The following NR2E3 variants were observed in gnomAD, a reference collection of about 807,000 sequenced individuals.
NR2E3 encodes the protein nuclear receptor subfamily 2 group E member 3, also known as photoreceptor-specific nuclear receptor.
NR2E3 carries 38 observed loss-of-function variants against 37.6 expected under a neutral mutation model. That is an observed-to-expected ratio of 1.01 (90% CI 0.78 to 1.33). The LOEUF (loss-of-function observed/expected upper bound fraction) is 1.33, where lower values mean the gene tolerates loss of function less well. NR2E3 is among the 40% of genes most tolerant of loss of function. NR2E3 has a pLI of 0.00. For missense variants in NR2E3, 562 were observed against 558.7 expected (o/e 1.01, Z -0.06); for synonymous variants, 235 against 225.1 (o/e 1.04, Z -0.39).
intron 7 of NR2E3, 126 bp from the exon 8 acceptor site, chr15:71,817,426 C>T: frequency 7.7e-7 from 1 of 1,294,222 alleles, no homozygotes; most frequent in Non-Finnish European, 1.0e-6. Flanking sequence ...GAAATTCCTC[C>T]TGACCCACTC....
At chr15:71,816,329 C>T (rs987465917) in intron 7 of NR2E3, among the ~76,000 whole-genome samples, 3 of 147,168 alleles carry the variant, frequency 2.0e-5, no homozygotes, top group South Asian at 2.1e-4. Context: ...GGCGTGATCT[C>T]GGTTCACTGC....
chr15:71,810,760 C>T lies in NR2E3; in HGVS notation c.17C>T (p.Thr6Ile). The change falls in exon 1 of 8, where the codon ACA becomes ATA. Residue 6 changes from threonine (T) to isoleucine (I), a missense_variant. Coordinates refer to ENST00000617575, the MANE Select transcript of NR2E3 (RefSeq NM_014249.4). Reference sequence around the variant, plus strand: ...CTGTAACCCATGGAGACCAGACCAACAGCTCTGATGAGCTCCACAGTGGCT... The same window carrying T: ...CTGTAACCCATGGAGACCAGACCAATAGCTCTGATGAGCTCCACAGTGGCT... Reference protein sequence around the residue: METRPTALMSSTVAAA... With the variant: METRPIALMSSTVAAA... The T allele has an allele frequency of 6.4e-7, 1 of 1,572,614 alleles. No homozygotes were observed. Among genetic ancestry groups the T allele is most frequent in the Non-Finnish European group, 8.6e-7 (1 of 1,159,570 alleles).
In NR2E3 at chr15:71,813,940, G is replaced by A; in HGVS notation, c.995-72G>A. 1 of 1,556,914 alleles carries A rather than the reference G, an allele frequency of 6.4e-7. No homozygotes were observed. On this transcript the variant is annotated intron_variant, in intron 6 of 7. Transcript: ENST00000617575. The surrounding 1 kb of genome is among the most constrained non-coding windows in gnomAD (Gnocchi z 4.7). The stretch of plus-strand genomic sequence containing the variant: ...TCCATGTCTGCAGCCAGAACCCTGG[G>A]CCACCACTTCATGGCCAGCCTTATA...
rs1343311421 is a variant in NR2E3 at position 71,813,549 on chromosome 15, T to C, written c.908T>C (p.Leu303Pro). The C allele has an allele frequency of 2.5e-6, 4 of 1,613,888 alleles. No individual in the cohort carries two copies. Among genetic ancestry groups the C allele is most frequent in the Non-Finnish European group, 2.5e-6 (3 of 1,179,846 alleles). The part of the protein sequence containing the change: ...LTLASMETRV[L>P]QETISRFRAL... The stretch of plus-strand genomic sequence containing the variant: ...CTGGCCAGCATGGAGACGCGTGTCC[T>C]GCAGGAAACTATCTCTCGGTTCCGG... The change falls in exon 6 of 8, where the codon CTG becomes CCG. Residue 303 changes from leucine (L) to proline (P), a missense_variant. By Grantham distance (98) the Leu-to-Pro change is moderately conservative (BLOSUM62 -3). Coordinates refer to ENST00000617575, the MANE Select transcript of NR2E3 (RefSeq NM_014249.4). This position sits in a 1 kb window ranked among gnomAD's most constrained non-coding sequence, Gnocchi z 4.7.
At position 71,813,982 on chromosome 15, in the gene NR2E3, G is replaced by C; in HGVS notation, c.995-30G>C. The C allele has an allele frequency of 6.3e-7, 1 of 1,598,076 alleles. No individual in the cohort carries two copies. Among genetic ancestry groups the C allele is most frequent in the Non-Finnish European group, 8.5e-7 (1 of 1,173,300 alleles). On this transcript the variant is annotated intron_variant, in intron 6 of 7. Transcript: ENST00000617575. The surrounding 1 kb of genome is among the most constrained non-coding windows in gnomAD (Gnocchi z 4.7). ...AGCCTTATAACAGCCGTAAACCTGT[G>C]CTAAGCTCACTGGTGCTGCTTCTCC... is the stretch of plus-strand genomic sequence containing the variant.
chr15:71,811,748 T>C lies in NR2E3; in HGVS notation c.246-18T>C, dbSNP rs1567159819. On this transcript the variant is annotated intron_variant, in intron 2 of 7. Coordinates refer to ENST00000617575, the MANE Select transcript of NR2E3 (RefSeq NM_014249.4). This position sits in a 1 kb window ranked among gnomAD's most constrained non-coding sequence, Gnocchi z 5.6. ...ATGGGAGGGACACTGACCCCTGGGG[T>C]CTCCTCTTCACCTGCAGGTGCCAGG... 2 of 1,548,736 alleles carry C rather than the reference T, an allele frequency of 1.3e-6. No individual in the cohort carries two copies. Among genetic ancestry groups the C allele is most frequent in the Middle Eastern group, 1.7e-4 (1 of 5,974 alleles).
rs376037127 is a variant in NR2E3, at chr15:71,812,295, C to A, written c.572-41C>A. On this transcript the variant is annotated intron_variant, in intron 4 of 7. Coordinates refer to ENST00000617575, the MANE Select transcript of NR2E3 (RefSeq NM_014249.4). ...GCTCCAAGTACTCCCTGCCACCTCC[C>A]GAGAAGCAGGCGCTAAGATCACAAC... is the stretch of plus-strand genomic sequence containing the variant. 5.5e-4 allele frequency: 885 copies of A among 1,613,400 alleles called. 1 individual carries two copies. Among genetic ancestry groups the A allele is most frequent in the Non-Finnish European group, 7.1e-4 (836 of 1,179,424 alleles).
intron 7 of NR2E3, chr15:71,814,479 AG>A: frequency 9.6e-7 from 1 of 1,042,718 alleles, no homozygotes; most frequent in Non-Finnish European, 1.2e-6. Context: ...CTTGAAAGGA[AG>A]AAGAAGTCTA....
rs754661615 is a variant in NR2E3, at chr15:71,810,795, C to T, written c.52C>T (p.Pro18Ser). The T allele has an allele frequency of 1.3e-6, 2 of 1,576,420 alleles. No homozygotes were observed. The highest frequency in any genetic ancestry group is 3.7e-5 in the Admixed American group (2 of 54,712). Residue 18 changes from proline (P) to serine (S), a missense_variant, in exon 1 of 8, where the codon CCT becomes TCT. Pro to Ser is a moderately conservative substitution (Grantham distance 74). Coordinates refer to ENST00000617575, the MANE Select transcript of NR2E3 (RefSeq NM_014249.4). ...GAGCTCCACAGTGGCTGCAGCTGCG[C>T]CTGCAGCTGGGGCTGCCTCCAGGAA... ...LMSSTVAAAA[P>S]AAGAASRKES...
intron 7 of NR2E3, chr15:71,814,473 A>G: frequency 9.5e-7 from 1 of 1,049,976 alleles, no homozygotes; most frequent in Middle Eastern, 4.5e-4. Context: ...GCTGGACTTG[A>G]AAGGAAGAAG....
Position 71,811,394 on chromosome 15 carries a change from T to G in NR2E3, c.119-89T>G. The G allele has an allele frequency of 7.8e-7, 1 of 1,280,166 alleles. No homozygotes were observed. Among genetic ancestry groups the G allele is most frequent in the Non-Finnish European group, 1.1e-6 (1 of 924,238 alleles). 79.3% of individuals were successfully genotyped at this position (1,280,166 alleles called of 1,614,324 possible). On this transcript the variant is annotated intron_variant, in intron 1 of 7. Coordinates refer to ENST00000617575, the MANE Select transcript of NR2E3 (RefSeq NM_014249.4). This position sits in a 1 kb window ranked among gnomAD's most constrained non-coding sequence, Gnocchi z 5.6. ...ATGCGGGTGAGCGGGGCCTGAGGAC[T>G]GGGAAAGGGACCCGAGGGAAGGAGG...
At position 71,817,631 on chromosome 15, in the gene NR2E3, A is replaced by C; in HGVS notation, c.1180A>C (p.Thr394Pro). The C allele has an allele frequency of 6.2e-7, 1 of 1,610,556 alleles. No homozygotes were observed. The highest frequency in any genetic ancestry group is 8.5e-7 in the Non-Finnish European group (1 of 1,176,948). The change falls in exon 8 of 8, where the codon ACC (threonine) becomes CCC (proline). Residue 394 changes from threonine (T) to proline (P), a missense_variant. Transcript: ENST00000617575. Reference protein sequence around the residue: ...ERIELLFFRKTIGNTPMEKLL... With the variant: ...ERIELLFFRKPIGNTPMEKLL... ...CATCGAGCTCCTCTTTTTCCGCAAG[A>C]CCATAGGGAATACTCCAATGGAGAA...
chr15:71,812,228 A>G (rs1296729571), intron 4 of NR2E3, 52 bp downstream of exon 4: 1 of 1,606,770 alleles, frequency 6.2e-7, no homozygotes, highest in Non-Finnish European at 8.5e-7. Context: ...CCCGGGTCAC[A>G]GCAGGGCTGC....
chr15:71,812,318 A>C lies in NR2E3; in HGVS notation c.572-18A>C. The C allele has an allele frequency of 6.2e-7, 1 of 1,613,774 alleles. No individual in the cohort carries two copies. On this transcript the variant is annotated intron_variant, in intron 4 of 7. Transcript: ENST00000617575. Reference sequence around the variant, plus strand: ...CCCGAGAAGCAGGCGCTAAGATCACAACCTCCTCCTCCAACAGCTGATGAG... The same window carrying C: ...CCCGAGAAGCAGGCGCTAAGATCACCACCTCCTCCTCCAACAGCTGATGAG...
chr15:71,817,248 G>A (rs1282710233), intron 7 of NR2E3, among the ~76,000 whole-genome samples: 5 of 151,922 alleles, frequency 3.3e-5, no homozygotes, highest in East Asian at 1.9e-4. Flanking sequence ...ACAGGTGCCC[G>A]CCACCACGCC....
At chr15:71,810,899 C>A in intron 1 of NR2E3, 38 bp downstream of exon 1, 1 of 1,515,054 alleles carries the variant, frequency 6.6e-7, no homozygotes, top group Non-Finnish European at 8.9e-7. Flanking sequence ...GGTCTGGGCC[C>A]TTGGGGAGCA....
In NR2E3 at chr15:71,810,614, T is replaced by C; in HGVS notation, c.-130T>C. On this transcript the variant is annotated 5_prime_UTR_variant, in exon 1 of 8. Transcript: ENST00000617575. Reference sequence around the variant, plus strand: ...GGCTTCGGGACCTTGGGGCAGCTCCTGAGTTCAGACAGAGTTCAGGAAGGG... The same window carrying C: ...GGCTTCGGGACCTTGGGGCAGCTCCCGAGTTCAGACAGAGTTCAGGAAGGG... 2 of 1,408,840 alleles carry C rather than the reference T, an allele frequency of 1.4e-6. No homozygotes were observed. The highest frequency in any genetic ancestry group is 1.4e-5 in the South Asian group (1 of 70,104). The allele number at this position is 1,408,840 out of a possible 1,614,324, so 87.3% of individuals were successfully genotyped here.
Position 71,812,484 on chromosome 15 carries a change from G to A in NR2E3, c.720G>A (p.Val240=). 6.2e-7 allele frequency: 1 copy of A among 1,613,088 alleles called. No individual in the cohort carries two copies. Among genetic ancestry groups the A allele is most frequent in the Non-Finnish European group, 8.5e-7 (1 of 1,179,266 alleles). ...MAVKWAKNLP[V]FSSLPFRDQV... is the part of the protein sequence containing the mutation. ...TCAAGTGGGCCAAGAACCTGCCTGT[G>A]TTCTCCAGCCTGCCCTTCCGGGATC... is the stretch of plus-strand genomic sequence containing the variant. The change falls in exon 5 of 8, where the codon GTG becomes GTA. Residue 240 remains valine, a synonymous_variant. Coordinates refer to ENST00000617575, the MANE Select transcript of NR2E3 (RefSeq NM_014249.4).
chr15:71,810,806 G>A lies in NR2E3; in HGVS notation c.63G>A (p.Gly21=). 1 of 1,575,264 alleles carries A rather than the reference G, an allele frequency of 6.3e-7. No homozygotes were observed. Among genetic ancestry groups the A allele is most frequent in the Non-Finnish European group, 8.6e-7 (1 of 1,160,954 alleles). Reference sequence around the variant, plus strand: ...TGGCTGCAGCTGCGCCTGCAGCTGGGGCTGCCTCCAGGAAGGAGTCTCCAG... The same window carrying A: ...TGGCTGCAGCTGCGCCTGCAGCTGGAGCTGCCTCCAGGAAGGAGTCTCCAG... ...STVAAAAPAA[G]AASRKESPGR... The change falls in exon 1 of 8, where the codon GGG becomes GGA. Residue 21 remains glycine, a synonymous_variant. Coordinates refer to ENST00000617575, the MANE Select transcript of NR2E3 (RefSeq NM_014249.4).
Sources: allele counts gnomAD v4.1 joint callset (sites outside exome capture counted in the v4.1 genomes callset), GRCh38; gene constraint gnomAD v4.1.1; non-coding constraint Gnocchi (gnomAD v3.1); transcripts MANE v1.5; gene names NCBI Gene and HGNC (gene_info 2026-07-23, HGNC 2026-07-21).